The following PLIN2 variants were observed in gnomAD, a reference collection of about 807,000 sequenced individuals.
PLIN2 encodes the protein perilipin 2.
PLIN2 carries 33 observed loss-of-function variants against 30.6 expected under a neutral mutation model. The ratio of observed to expected loss-of-function variants is 1.08; its 90% confidence interval spans 0.82 to 1.44. The LOEUF (loss-of-function observed/expected upper bound fraction) is 1.44. Ranked by LOEUF, PLIN2 falls within the 40% of genes most tolerant of loss-of-function variation. The pLI is 0.00. For missense variants in PLIN2, 610 were observed against 531.8 expected, an observed-to-expected ratio of 1.15 and a Z score of -1.45; for synonymous variants, 205 against 201.1, an observed-to-expected ratio of 1.02 and a Z score of -0.16.
At chr9:19,120,847 T>C in intron 5 of PLIN2, 33 bp downstream of exon 5, 3 of 1,540,018 alleles carry the variant, frequency 1.9e-6, no homozygotes, top group South Asian at 2.2e-5. Flanking sequence ...AGATTTAATA[T>C]AAAACAGTAT....
chr9:19,126,470 C>G, intron 1 of PLIN2, 22 bp from the exon 2 acceptor site: 1 of 1,484,572 alleles, frequency 6.7e-7, no homozygotes, highest in Non-Finnish European at 9.4e-7. Context: ...AGACTTATTT[C>G]AGAACACCGG....
Position 19,126,123 on chromosome 9 carries a change from C to T in PLIN2, c.217G>A (p.Glu73Lys). The change falls in exon 3 of 8, where the codon GAG becomes AAG. Residue 73 changes from glutamate to lysine, a missense_variant. Physicochemically the swap from Glu to Lys is moderately conservative, Grantham distance 56 (BLOSUM62 1). Transcript: ENST00000276914. ...TSALPIIQKL[E>K]PQIAVANTYA... ...AAAAATCAGAACTCACTTTGCGGCTCTAGCTTCTGGATGATGGGCAGAGCA... is the reference window on the plus strand; with the variant it reads ...AAAAATCAGAACTCACTTTGCGGCTTTAGCTTCTGGATGATGGGCAGAGCA... 1 of 1,613,778 alleles carries T rather than the reference C, an allele frequency of 6.2e-7. No homozygotes were observed. Among genetic ancestry groups the T allele is most frequent in the Non-Finnish European group, 8.5e-7 (1 of 1,179,768 alleles).
Position 19,116,078 on chromosome 9 carries a change from T to G in PLIN2, c.*170A>C. 2 of 554,100 alleles carry G rather than the reference T, an allele frequency of 3.6e-6. No individual in the cohort carries two copies. Among genetic ancestry groups the G allele is most frequent in the Non-Finnish European group, 6.1e-6 (2 of 326,494 alleles). 34.3% of individuals were successfully genotyped at this position (554,100 alleles called of 1,614,324 possible). A position where few individuals can be genotyped will look rare whatever the true frequency, so the allele number is the denominator to read the frequency against. On this transcript the variant is annotated 3_prime_UTR_variant, in exon 8 of 8. Coordinates refer to ENST00000276914, the MANE Select transcript of PLIN2 (RefSeq NM_001122.4). ...TCTTACCAGGTGAACAGAAATCATCTGCTAATGCCAGAAACTTTAAAGCTC... is the reference window on the plus strand; with the variant it reads ...TCTTACCAGGTGAACAGAAATCATCGGCTAATGCCAGAAACTTTAAAGCTC...
chr9:19,109,268 A>C (rs569634737), intron 2 of PLIN2, among the ~76,000 whole-genome samples: 1 of 152,298 alleles, frequency 6.6e-6, no homozygotes, highest in Admixed American at 6.5e-5. Context: ...AAACAAGAAA[A>C]TTAAGGCCAG....
chr9:19,109,396 T>C (rs943782369), intron 2 of PLIN2, among the ~76,000 whole-genome samples: 5 of 151,118 alleles, frequency 3.3e-5, no homozygotes, highest in African/African-American at 1.2e-4. Flanking sequence ...CTACTAAAAA[T>C]ACAAAAAGTT....
chr9:19,126,564 T>C lies in PLIN2; in HGVS notation c.-22-116A>G, dbSNP rs187446738. The C allele has an allele frequency of 5.0e-4, 341 of 686,522 alleles. No individual in the cohort carries two copies. In the African/African-American group the frequency reaches 5.5e-3, roughly 11 times the overall value. The allele number at this position is 686,522 out of a possible 1,614,324, so 42.5% of individuals were successfully genotyped here. A position where few individuals can be genotyped will look rare whatever the true frequency, so the allele number is the denominator to read the frequency against. ...AAAATGCAGGGTGAGCTCCCTGTAG[T>C]CTTCTGCACTTCTTTCCTCTCTCCA... is the stretch of plus-strand genomic sequence containing the variant. On this transcript the variant is annotated intron_variant, in intron 1 of 7. Transcript: ENST00000276914.
intron 6 of PLIN2, 128 bp from the exon 7 acceptor site, chr9:19,118,583 CCTG>C (rs1313972654): frequency 1.4e-6 from 1 of 721,062 alleles, no homozygotes. Flanking sequence ...AAGATCTATT[CCTG>C]CTATCATTAT....
rs756623423 is a variant in PLIN2 at position 19,119,604 on chromosome 9, G to A, written c.777+46C>T. The A allele has an allele frequency of 1.4e-5, 16 of 1,157,580 alleles. No individual in the cohort carries two copies. The African/African-American group carries it at 2.0e-4, about 14-fold the overall frequency. The allele number at this position is 1,157,580 out of a possible 1,614,324, so 71.7% of individuals were successfully genotyped here. On this transcript the variant is annotated intron_variant, in intron 6 of 7. Coordinates refer to ENST00000276914, the MANE Select transcript of PLIN2 (RefSeq NM_001122.4). ...ATTACATTTAATTCTTGGGCCTAGA[G>A]ATAAATGAACCCACTTCAGACACCT...
chr9:19,111,307 C>T (rs1818155860), downstream of PLIN2, among the ~76,000 whole-genome samples: 1 of 152,192 alleles, frequency 6.6e-6, no homozygotes, highest in Non-Finnish European at 1.5e-5. Flanking sequence ...CTCGGCCTCC[C>T]AAAGTGCTAG....
intron 4 of PLIN2, 135 bp downstream of exon 4, chr9:19,123,430 T>C (rs1406912267): frequency 6.4e-7 from 1 of 1,554,900 alleles, no homozygotes; most frequent in Non-Finnish European, 8.7e-7. Context: ...GTGGCCATTA[T>C]TTTTCAAACA....
chr9:19,120,501 T>TA (rs1010778703), intron 5 of PLIN2, among the ~76,000 whole-genome samples: 14 of 152,200 alleles, frequency 9.2e-5, no homozygotes, highest in African/African-American at 3.4e-4. Flanking sequence ...TTTCAAAACT[T>TA]ACTACGTACG....
chr9:19,118,542 C>T, intron 6 of PLIN2, 87 bp from the exon 7 acceptor site: 1 of 1,213,078 alleles, frequency 8.2e-7, no homozygotes, highest in Non-Finnish European at 1.1e-6. Context: ...AATCAGGCAA[C>T]ATAAAAACTA....
Position 19,123,555 on chromosome 9 carries a change from C to T in PLIN2, c.309+10G>A, listed in dbSNP as rs775200284. 1.2e-6 allele frequency: 2 copies of T among 1,614,142 alleles called. No individual in the cohort carries two copies. The highest frequency in any genetic ancestry group is 3.3e-5 in the Admixed American group (2 of 60,018). On this transcript the variant is annotated intron_variant, in intron 4 of 7. Transcript: ENST00000276914. ...AGTGTCAAGTCTCAGCACTTTTGTC[C>T]CAAGCTCACCTGAGTTGATGGCTGA...
At chr9:19,113,721 A>G (rs1386385956), downstream of PLIN2, among the ~76,000 whole-genome samples, 3 of 150,668 alleles carry the variant, frequency 2.0e-5, no homozygotes, top group Non-Finnish European at 2.9e-5. Context: ...TTACAGGTGC[A>G]TACAGCCATG....
At chr9:19,114,502 G>A (rs893683671), downstream of PLIN2, among the ~76,000 whole-genome samples, 3 of 151,850 alleles carry the variant, frequency 2.0e-5, no homozygotes, top group South Asian at 2.1e-4. Flanking sequence ...CCTCCCAGAC[G>A]CAGGGGATTC....
chr9:19,122,031 C>T (rs1818326315), intron 4 of PLIN2, among the ~76,000 whole-genome samples: 1 of 142,914 alleles, frequency 7.0e-6, no homozygotes, highest in Non-Finnish European at 1.5e-5. Flanking sequence ...ATTGCTTGAA[C>T]CCAGGAGGAA....
chr9:19,126,090 G>C, intron 3 of PLIN2, 24 bp downstream of exon 3: 1 of 1,605,202 alleles, frequency 6.2e-7, no homozygotes, highest in Non-Finnish European at 8.5e-7. Context: ...CCCTTGACTT[G>C]CATCTTGAAA....
Position 19,126,386 on chromosome 9 carries a change from A to G in PLIN2, c.30+11T>C. ...GAGAGAAAGTAGACAAAGGCTACTC[A>G]AAATTCATACCGGTTGTGGATCAAC... On this transcript the variant is annotated intron_variant, in intron 2 of 7. Transcript: ENST00000276914. 1 of 1,613,970 alleles carries G rather than the reference A, an allele frequency of 6.2e-7. No homozygotes were observed. The highest frequency in any genetic ancestry group is 8.5e-7 in the Non-Finnish European group (1 of 1,179,868).
At chr9:19,120,735 G>C in intron 5 of PLIN2, 145 bp downstream of exon 5, 1 of 635,482 alleles carries the variant, frequency 1.6e-6, no homozygotes, top group Non-Finnish European at 2.8e-6. Flanking sequence ...AGGATCTTTT[G>C]GGGTAGCAGA....
Sources: allele counts gnomAD v4.1 joint callset (sites outside exome capture counted in the v4.1 genomes callset), GRCh38; gene constraint gnomAD v4.1.1; transcripts MANE v1.5; gene names NCBI Gene and HGNC (gene_info 2026-07-23, HGNC 2026-07-21).